MGA: variants seen among roughly 807,000 people sequenced by gnomAD.
The protein encoded by MGA is MAX gene-associated protein.
In MGA, 40 loss-of-function variants were observed where a neutral mutation model predicts 261.1. The ratio of observed to expected loss-of-function variants is 0.15; its 90% CI spans 0.12 to 0.20. The LOEUF is 0.20. Ranked by LOEUF, MGA falls within the 10% of genes least tolerant of loss-of-function variation. The probability of loss-of-function intolerance (pLI) is 1.00; values close to 1 mark genes in which losing one functional copy is unlikely to be tolerated. For synonymous variants in MGA, 1,302 were observed against 1,290.6 expected, an observed-to-expected ratio of 1.01 and a Z score of -0.19; for missense variants, 3,397 against 3,630.5, an observed-to-expected ratio of 0.94 and a Z score of 1.65.
At chr15:41,675,522 C>T (rs2058326770) in intron 2 of MGA, among the ~76,000 whole-genome samples, 1 of 152,004 alleles carries the variant, frequency 6.6e-6, no homozygotes, top group African/African-American at 2.4e-5. Flanking sequence ...TACAGGCATG[C>T]ACCACCACGC....
At position 41,736,411 on chromosome 15, in the gene MGA, C is replaced by T. The variant is rs775830123; in HGVS notation, c.4147C>T (p.Arg1383Trp). 1.5e-5 allele frequency: 24 copies of T among 1,613,856 alleles called. No individual in the cohort carries two copies. Among genetic ancestry groups the T allele is most frequent in the Middle Eastern group, 1.6e-4 (1 of 6,084 alleles). ...TGAGTTGGCTTCTCAGCGAAAGAGC[C>T]GGGGTGAGAAGAACCCTCCTGTTTA... Residue 1383 changes from arginine to tryptophan, a missense_variant, in exon 13 of 24, where the codon CGG (arginine) becomes TGG (tryptophan). Physicochemically the swap from Arg to Trp is moderately radical, Grantham distance 101. Coordinates refer to ENST00000219905, the MANE Select transcript of MGA (RefSeq NM_001164273.2).
Position 41,762,238 on chromosome 15 carries a change from A to G in MGA, c.7620A>G (p.Ile2540Met), listed in dbSNP as rs2152008375. The change falls in exon 22 of 24, where the codon ATA (isoleucine) becomes ATG (methionine). Residue 2540 changes from isoleucine to methionine, a missense_variant. Ile to Met is a conservative substitution (Grantham distance 10). Transcript: ENST00000219905. ...AGATGGGATCAGATGAGTTTGACATATCTCCCAGAATTAGCAAACAGCAGG... is the reference window on the plus strand; with the variant it reads ...AGATGGGATCAGATGAGTTTGACATGTCTCCCAGAATTAGCAAACAGCAGG... 6.2e-7 allele frequency: 1 copy of G among 1,613,960 alleles called. No individual in the cohort carries two copies. Among genetic ancestry groups the G allele is most frequent in the Non-Finnish European group, 8.5e-7 (1 of 1,179,854 alleles).
Position 41,766,773 on chromosome 15 carries a change from C to G in MGA, c.8691C>G (p.Ile2897Met). The change falls in exon 24 of 24, where the codon ATC (isoleucine) becomes ATG (methionine). Residue 2897 changes from isoleucine (I) to methionine (M), a missense_variant. Around this residue, in one of 9 missense-constraint regions of MGA, gnomAD observed 647 missense variants for 642.4 expected, o/e 1.01. Coordinates refer to ENST00000219905, the MANE Select transcript of MGA (RefSeq NM_001164273.2). ...ATGTTCAAGGGGAGAGTGACTCTATCAGTCCCCTCCTCTTGCACTTGGAAG... is the reference window on the plus strand; with the variant it reads ...ATGTTCAAGGGGAGAGTGACTCTATGAGTCCCCTCCTCTTGCACTTGGAAG... 6.2e-7 allele frequency: 1 copy of G among 1,613,962 alleles called. No homozygotes were observed. Among genetic ancestry groups the G allele is most frequent in the Non-Finnish European group, 8.5e-7 (1 of 1,179,876 alleles).
intron 12 of MGA, among the ~76,000 whole-genome samples, chr15:41,735,785 C>T (rs1336384586): frequency 6.6e-6 from 1 of 151,974 alleles, no homozygotes; most frequent in Non-Finnish European, 1.5e-5. Flanking sequence ...TTTGGATTGA[C>T]TCTAATCTGT....
At chr15:41,716,207 G>A (rs1370088793) in intron 9 of MGA, among the ~76,000 whole-genome samples, 1 of 151,936 alleles carries the variant, frequency 6.6e-6, no homozygotes, top group Non-Finnish European at 1.5e-5. Context: ...CAGCACTTTG[G>A]ACGGCTGAGG....
chr15:41,626,038 C>T (rs1345998650), intron 1 of MGA, among the ~76,000 whole-genome samples: 18 of 151,966 alleles, frequency 1.2e-4, no homozygotes, highest in Admixed American at 1.2e-3. Context: ...TCTCACTGTG[C>T]CTAATTTATA....
At chr15:41,631,699 G>T (rs570980486) in intron 1 of MGA, among the ~76,000 whole-genome samples, 1 of 151,962 alleles carries the variant, frequency 6.6e-6, no homozygotes. Flanking sequence ...TTTTGTGTGT[G>T]TATATGAATC....
At chr15:41,720,058 G>A (rs1351645298) in intron 9 of MGA, among the ~76,000 whole-genome samples, 3 of 152,070 alleles carry the variant, frequency 2.0e-5, no homozygotes, top group African/African-American at 7.2e-5. Flanking sequence ...CTTTTTATGT[G>A]AAACATGAAA....
At chr15:41,705,365 T>G (rs2060053474) in intron 5 of MGA, among the ~76,000 whole-genome samples, 1 of 150,124 alleles carries the variant, frequency 6.7e-6, no homozygotes. Context: ...CTTGAGGTCT[T>G]TTTTTTTTTC....
chr15:41,720,093 A>C (rs2060858833), intron 9 of MGA, among the ~76,000 whole-genome samples: 1 of 152,198 alleles, frequency 6.6e-6, no homozygotes, highest in African/African-American at 2.4e-5. Flanking sequence ...TTTATATGGA[A>C]ATGCGAAGAA....
Position 41,696,474 on chromosome 15 carries a change from T to A in MGA, c.1464T>A (p.Asp488Glu), listed in dbSNP as rs756044986. ...CAGTTAAGATTTCTGAACTCCCCGA[T>A]AACATGCTTTCCACATCTCGAAAGG... The change falls in exon 3 of 24, where the codon GAT becomes GAA. Residue 488 changes from aspartate (D) to glutamate (E), a missense_variant. By Grantham distance (45) the Asp-to-Glu change is conservative (BLOSUM62 2). Transcript: ENST00000219905. 3 of 1,613,906 alleles carry A rather than the reference T, an allele frequency of 1.9e-6. No homozygotes were observed. Among genetic ancestry groups the A allele is most frequent in the Non-Finnish European group, 2.5e-6 (3 of 1,179,894 alleles).
In MGA at chr15:41,629,077, G is replaced by T. The variant is rs2056529729; in HGVS notation, c.-68+7779G>T. On this transcript the variant is annotated intron_variant, in intron 1 of 8. Transcript: ENST00000566718. Reference sequence around the variant, plus strand: ...ATTGAAAAAGTGCCACTGCACTCCAGCCTGGGCGACTGAGCAAGACTTCGT... The same window carrying T: ...ATTGAAAAAGTGCCACTGCACTCCATCCTGGGCGACTGAGCAAGACTTCGT... 2.1e-5 allele frequency among the ~76,000 whole-genome samples: 3 copies of T among 142,778 alleles called. No individual in the cohort carries two copies. In the South Asian group the frequency reaches 6.6e-4, roughly 31 times the overall value. 93.7% of individuals were successfully genotyped at this position (142,778 alleles called of 152,430 possible). A position where few individuals can be genotyped will look rare whatever the true frequency, so the allele number is the denominator to read the frequency against.
intron 1 of MGA, among the ~76,000 whole-genome samples, chr15:41,646,934 G>T (rs1199676252): frequency 6.6e-6 from 1 of 152,100 alleles, no homozygotes; most frequent in Non-Finnish European, 1.5e-5. Context: ...GAGCATATAT[G>T]ATGTCAAGTA....
intron 5 of MGA, among the ~76,000 whole-genome samples, chr15:41,700,719 T>G (rs909068612): frequency 6.6e-6 from 1 of 152,176 alleles, no homozygotes. Context: ...TTTTCCTGTT[T>G]TGGGGTGTAA....
intron 1 of MGA, among the ~76,000 whole-genome samples, chr15:41,646,567 C>T (rs573234723): frequency 7.2e-5 from 11 of 151,938 alleles, no homozygotes; most frequent in Non-Finnish European, 1.6e-4. Context: ...AAGTGATCCA[C>T]CCACCTTGGC....
At chr15:41,728,405 A>T (rs188168267) in intron 10 of MGA, among the ~76,000 whole-genome samples, 3 of 152,208 alleles carry the variant, frequency 2.0e-5, no homozygotes, top group Non-Finnish European at 4.4e-5. Flanking sequence ...AATTCTGCAT[A>T]TAATTTTCAA....
intron 2 of MGA, among the ~76,000 whole-genome samples, chr15:41,695,262 C>T (rs1405536328): frequency 3.3e-5 from 5 of 151,604 alleles, no homozygotes; most frequent in Non-Finnish European, 7.4e-5. Flanking sequence ...AATCTCGGCT[C>T]TCTGCAACCT....
chr15:41,748,280 C>T (rs1012417850), intron 15 of MGA, among the ~76,000 whole-genome samples: 3 of 151,630 alleles, frequency 2.0e-5, no homozygotes, highest in Admixed American at 6.6e-5. Flanking sequence ...AGACTGGGCG[C>T]GGTGGCTCAC....
Position 41,749,562 on chromosome 15 carries a change from A to G in MGA, c.5955A>G (p.Lys1985=), listed in dbSNP as rs377077401. ...AGAAAGATGAAACAAACTCAATAAA[A>G]AGAGAGCAAGAAACGAAGAAGGTTC... Residue 1985 remains lysine, a synonymous_variant, in exon 17 of 24, where the codon AAA becomes AAG. Coordinates refer to ENST00000219905, the MANE Select transcript of MGA (RefSeq NM_001164273.2). 1.2e-4 allele frequency: 187 copies of G among 1,613,854 alleles called. 1 individual carries two copies. The highest frequency in any genetic ancestry group is 3.0e-4 in the Admixed American group (18 of 59,996).
Sources: gnomAD v4.1 joint callset for allele counts (sites outside exome capture counted in the v4.1 genomes callset) on GRCh38, gnomAD v4.1.1 for gene constraint, gnomAD v4.1.1 regional missense constraint, MANE v1.5 for transcripts, NCBI Gene and HGNC (gene_info 2026-07-23, HGNC 2026-07-21) for gene names.